EYS: variants seen among roughly 807,000 people sequenced by gnomAD.
The protein encoded by EYS is EGF-like photoreceptor maintenance factor, also known as protein eyes shut homolog.
A neutral mutation model predicts 282.1 loss-of-function variants in EYS; 250 were observed. The observed-to-expected ratio is 0.89, with a 90% CI of 0.80 to 0.98. The LOEUF is 0.98. Among genes scored for constraint, EYS ranks in the 50% least tolerant of loss-of-function variants. EYS has a pLI of 0.00. For missense variants in EYS, 4,016 were observed against 3,709.0 expected (o/e 1.08, Z -2.15); for synonymous variants, 1,355 against 1,282.9 (o/e 1.06, Z -1.20).
intron 2 of EYS, among the ~76,000 whole-genome samples, chr6:65,589,717 A>G (rs1284165172): frequency 6.6e-6 from 1 of 151,978 alleles, no homozygotes; most frequent in Non-Finnish European, 1.5e-5. Flanking sequence ...TTAAAAGTAC[A>G]TATTAATATT....
intron 31 of EYS, among the ~76,000 whole-genome samples, chr6:64,106,092 G>C (rs1169711131): frequency 1.3e-5 from 2 of 151,900 alleles, no homozygotes; most frequent in Non-Finnish European, 2.9e-5. Flanking sequence ...ATATTTGCTG[G>C]TATTTTCTAT....
intron 12 of EYS, among the ~76,000 whole-genome samples, chr6:65,270,253 G>T (rs2150265221): frequency 6.6e-6 from 1 of 152,290 alleles, no homozygotes; most frequent in African/African-American, 2.4e-5. Context: ...TCAAAACCTA[G>T]CAAGGAAACT....
intron 12 of EYS, among the ~76,000 whole-genome samples, chr6:65,243,463 G>A (rs1767103676): frequency 1.3e-5 from 2 of 152,250 alleles, no homozygotes; most frequent in African/African-American, 4.8e-5. Flanking sequence ...CTTTTGTGAC[G>A]CTTTGTTGGG....
At chr6:64,175,865 C>T (rs1174526519) in intron 31 of EYS, among the ~76,000 whole-genome samples, 1 of 152,074 alleles carries the variant, frequency 6.6e-6, no homozygotes, top group African/African-American at 2.4e-5. Flanking sequence ...AGGAACAAAA[C>T]AGACAGATAT....
intron 12 of EYS, among the ~76,000 whole-genome samples, chr6:65,075,988 A>AC (rs1774039501): frequency 6.6e-6 from 1 of 152,046 alleles, no homozygotes; most frequent in African/African-American, 2.4e-5. Flanking sequence ...CAAGCATTAA[A>AC]ACAGTAAATC....
intron 29 of EYS, among the ~76,000 whole-genome samples, chr6:64,359,200 C>T (rs545115675): frequency 1.3e-5 from 2 of 150,964 alleles, no homozygotes; most frequent in South Asian, 4.2e-4. Flanking sequence ...ATTCTGTTGC[C>T]AAAAAAATAG....
intron 1 of EYS, among the ~76,000 whole-genome samples, chr6:65,693,393 T>C (rs1003290053): frequency 1.2e-4 from 15 of 126,932 alleles, no homozygotes; most frequent in African/African-American, 4.3e-4. Context: ...AACAATCTTC[T>C]TTTTTCCTTT....
intron 22 of EYS, among the ~76,000 whole-genome samples, chr6:64,759,880 C>A (rs1049167369): frequency 1.3e-5 from 2 of 152,112 alleles, no homozygotes; most frequent in East Asian, 3.9e-4. Flanking sequence ...CCATGGATAA[C>A]ACCTGTATGT....
chr6:63,839,765 G>A lies in EYS; in HGVS notation c.7228+24421C>T, dbSNP rs983055082. Among the ~76,000 whole-genome samples, 10 of 152,268 alleles carry A rather than the reference G, an allele frequency of 6.6e-5. No homozygotes were observed. The East Asian group carries it at 1.4e-3, about 21-fold the overall frequency. On this transcript the variant is annotated intron_variant, in intron 36 of 42. Coordinates refer to ENST00000503581, the MANE Select transcript of EYS (RefSeq NM_001142800.2). ...AGTGGAACTGTTGAATCACATGGCAGTTCTATTTTTAGTTTTTTGAGGACC... is the reference window on the plus strand; with the variant it reads ...AGTGGAACTGTTGAATCACATGGCAATTCTATTTTTAGTTTTTTGAGGACC...
intron 35 of EYS, among the ~76,000 whole-genome samples, chr6:63,974,521 C>A (rs1193160155): frequency 6.6e-6 from 1 of 151,938 alleles, no homozygotes; most frequent in African/African-American, 2.4e-5. Context: ...GAAGATCAAT[C>A]AGGGTAAATG....
intron 12 of EYS, among the ~76,000 whole-genome samples, chr6:65,268,511 C>A (rs969085922): frequency 1.3e-5 from 2 of 151,910 alleles, no homozygotes; most frequent in Admixed American, 1.3e-4. Flanking sequence ...AACATTAATG[C>A]AAATAAAGTC....
At chr6:65,228,822 G>A (rs1766696332) in intron 12 of EYS, among the ~76,000 whole-genome samples, 1 of 152,058 alleles carries the variant, frequency 6.6e-6, no homozygotes, top group Non-Finnish European at 1.5e-5. Context: ...AGACACACTT[G>A]TTAATGACAC....
At chr6:64,046,546 C>CT (rs70999132) in intron 33 of EYS, among the ~76,000 whole-genome samples, 5,484 of 146,370 alleles carry the variant, frequency 0.037, 92 homozygotes, top group Non-Finnish European at 0.05. Flanking sequence ...AAGCTTTATT[C>CT]TTTTTTTTTT....
At chr6:65,568,277 T>C (rs1306517311) in intron 2 of EYS, among the ~76,000 whole-genome samples, 1 of 150,564 alleles carries the variant, frequency 6.6e-6, no homozygotes. Context: ...TACCAGAATC[T>C]GAGCTCCCAC....
chr6:64,216,191 G>T (rs1309576068), intron 31 of EYS, among the ~76,000 whole-genome samples: 1 of 152,196 alleles, frequency 6.6e-6, no homozygotes, highest in African/African-American at 2.4e-5. Context: ...AATGGATCTA[G>T]ATCAGTGAAA....
intron 2 of EYS, among the ~76,000 whole-genome samples, chr6:65,552,828 G>A (rs1768648348): frequency 1.3e-5 from 2 of 151,142 alleles, no homozygotes; most frequent in Admixed American, 1.3e-4. Flanking sequence ...AATAAAAGGG[G>A]TAACCAAAAT....
chr6:65,416,919 C>A (rs1397931069), intron 5 of EYS, among the ~76,000 whole-genome samples: 1 of 151,776 alleles, frequency 6.6e-6, no homozygotes, highest in Non-Finnish European at 1.5e-5. Context: ...GAAATAAATA[C>A]AAGAAAATTG....
intron 12 of EYS, among the ~76,000 whole-genome samples, chr6:65,069,295 T>G (rs1199186768): frequency 6.6e-6 from 1 of 152,112 alleles, no homozygotes; most frequent in East Asian, 1.9e-4. Context: ...ATCCTCATTC[T>G]TTCTCTCTTC....
At chr6:64,782,920 T>G (rs1773906111) in intron 22 of EYS, among the ~76,000 whole-genome samples, 1 of 152,218 alleles carries the variant, frequency 6.6e-6, no homozygotes, top group Non-Finnish European at 1.5e-5. Flanking sequence ...TTTCCATAGT[T>G]TAAATTACCA....
Sources: allele counts gnomAD v4.1 joint callset (sites outside exome capture counted in the v4.1 genomes callset), GRCh38; gene constraint gnomAD v4.1.1; transcripts MANE v1.5; gene names NCBI Gene and HGNC (gene_info 2026-07-23, HGNC 2026-07-21).